MARK3: variants seen among roughly 807,000 people sequenced by gnomAD.
MARK3 encodes MAP/microtubule affinity-regulating kinase 3.
In MARK3, 46 loss-of-function variants were observed where a neutral mutation model predicts 90.1. The ratio of observed to expected loss-of-function variants is 0.51; its 90% CI spans 0.40 to 0.65. The LOEUF (loss-of-function observed/expected upper bound fraction) is 0.65. Ranked by LOEUF, MARK3 falls within the 30% of genes least tolerant of loss-of-function variation. MARK3 has a pLI of 0.00. For missense variants in MARK3, 818 were observed against 947.2 expected (o/e 0.86, Z 1.79); for synonymous variants, 321 against 332.6 (o/e 0.97, Z 0.38).
chr14:103,412,777 G>C (rs1279336661), intron 2 of MARK3: 2 of 474,628 alleles, frequency 4.2e-6, no homozygotes, highest in Non-Finnish European at 8.0e-6. Flanking sequence ...CTCATGCCAC[G>C]CTAACCAGAA....
intron 14 of MARK3, among the ~76,000 whole-genome samples, chr14:103,486,762 T>C (rs1417652778): frequency 1.3e-5 from 2 of 152,168 alleles, no homozygotes; most frequent in African/African-American, 4.8e-5. Flanking sequence ...GAGTTTACTG[T>C]TTCCTTCTGG....
chr14:103,428,760 C>G (rs988151910), intron 3 of MARK3, among the ~76,000 whole-genome samples: 1 of 151,756 alleles, frequency 6.6e-6, no homozygotes, highest in African/African-American at 2.4e-5. Context: ...AAAAATAATA[C>G]AGTACAAAAA....
At chr14:103,489,354 C>A (rs1241230570) in intron 14 of MARK3, 1 of 152,318 alleles carries the variant, frequency 6.6e-6, no homozygotes, top group Non-Finnish European at 1.5e-5. Context: ...AGGGGCCAGA[C>A]TTCAGGGGCC....
At chr14:103,450,916 G>GTGT (rs1358062005) in intron 4 of MARK3, among the ~76,000 whole-genome samples, 1 of 58,130 alleles carries the variant, frequency 1.7e-5, no homozygotes. Context: ...GTGTGTGTGT[G>GTGT]TATTCTTTTT....
Position 103,480,479 on chromosome 14 carries a change from CA to C in MARK3, c.1578del (p.Glu527LysfsTer82), listed in dbSNP as rs1398341862. 6.2e-7 allele frequency: 1 copy of C among 1,604,686 alleles called. No individual in the cohort carries two copies. The highest frequency in any genetic ancestry group is 8.5e-7 in the Non-Finnish European group (1 of 1,173,010). On this transcript the variant is annotated frameshift_variant, in exon 14 of 18. Transcript: ENST00000429436. LOFTEE classifies it high-confidence loss of function. ...ATAGACACTCAGTGATTCAGAATGG[CA>C]AAGAAAACAGGTAGGAGATTCTACC... is the stretch of plus-strand genomic sequence containing the variant. ...ADRHSVIQNG[K>X]ENSTIPDQRT...
intron 17 of MARK3, among the ~76,000 whole-genome samples, chr14:103,502,320 TAACA>T (rs1470253051): frequency 1.3e-5 from 2 of 152,234 alleles, no homozygotes; most frequent in Non-Finnish European, 2.9e-5. Flanking sequence ...GACGTTTAAT[TAACA>T]AACCAGAGAG....
chr14:103,496,603 G>T (rs1392138989), intron 15 of MARK3, among the ~76,000 whole-genome samples: 1 of 151,984 alleles, frequency 6.6e-6, no homozygotes, highest in South Asian at 2.1e-4. Context: ...AGTAGAGACA[G>T]GGTTTCACCA....
intron 15 of MARK3, among the ~76,000 whole-genome samples, chr14:103,493,788 T>C (rs1181066860): frequency 1.3e-5 from 2 of 150,180 alleles, no homozygotes; most frequent in East Asian, 2.0e-4. Flanking sequence ...GACAGGAGAA[T>C]TGCTTGAACC....
rs754470711 is a variant in MARK3, at chr14:103,491,944, G to C, written c.1754G>C (p.Ser585Thr). Reference sequence around the variant, plus strand: ...TATAATGGCCCTCCTGCCTCTCCCAGCCTGTCCCATGAAGCCACACCATTG... The same window carrying C: ...TATAATGGCCCTCCTGCCTCTCCCACCCTGTCCCATGAAGCCACACCATTG... Reference protein sequence around the residue: ...ATYNGPPASPSLSHEATPLSQ... With the variant: ...ATYNGPPASPTLSHEATPLSQ... Residue 585 changes from serine (S) to threonine (T), a missense_variant, in exon 15 of 18, where the codon AGC becomes ACC. Physicochemically the swap from Ser to Thr is moderately conservative, Grantham distance 58 (BLOSUM62 1). Around this residue, in one of 3 missense-constraint regions of MARK3, gnomAD observed 560 missense variants for 613.5 expected, o/e 0.91. Coordinates refer to ENST00000429436, the MANE Select transcript of MARK3 (RefSeq NM_001128918.3). 6.2e-7 allele frequency: 1 copy of C among 1,614,120 alleles called. No homozygotes were observed. The highest frequency in any genetic ancestry group is 2.2e-5 in the East Asian group (1 of 44,882).
At chr14:103,429,158 G>T (rs781477115) in intron 3 of MARK3, 1 of 152,180 alleles carries the variant, frequency 6.6e-6, no homozygotes, top group Non-Finnish European at 1.5e-5. Flanking sequence ...TTTTAGCTTC[G>T]CAGAGTCTTT....
intron 12 of MARK3, among the ~76,000 whole-genome samples, chr14:103,471,189 C>T (rs1246946534): frequency 2.6e-5 from 4 of 152,104 alleles, no homozygotes; most frequent in Non-Finnish European, 5.9e-5. Context: ...TTAACTTGTC[C>T]CTCAATCCTA....
intron 15 of MARK3, 51 bp downstream of exon 15, chr14:103,492,085 A>G (rs761070285): frequency 7.0e-6 from 11 of 1,582,146 alleles, no homozygotes; most frequent in Middle Eastern, 1.9e-4. Flanking sequence ...AGCAAAAGGA[A>G]AGATGTCTTT....
intron 5 of MARK3, among the ~76,000 whole-genome samples, chr14:103,454,398 G>A (rs148509138): frequency 2.3e-3 from 344 of 152,086 alleles, no homozygotes; most frequent in South Asian, 5.0e-3. Context: ...GACTGCAGGC[G>A]CACACCACAC....
At position 103,474,982 on chromosome 14, in the gene MARK3, C is replaced by G. The variant is rs765867987; in HGVS notation, c.1265-11C>G. On this transcript the variant is annotated splice_polypyrimidine_tract_variant and intron_variant, in intron 12 of 17. Transcript: ENST00000429436. ...TATTCAGTCATTTAAAAAATGAACT[C>G]TTTATTTTAGCTGGACCAGCTATTC... 3.2e-5 allele frequency: 52 copies of G among 1,601,588 alleles called. No homozygotes were observed. In the Middle Eastern group the frequency reaches 6.6e-4, roughly 20 times the overall value.
intron 3 of MARK3, among the ~76,000 whole-genome samples, chr14:103,445,049 C>G (rs941585209): frequency 6.6e-6 from 1 of 152,052 alleles, no homozygotes; most frequent in African/African-American, 2.4e-5. Context: ...CTGGACTTTT[C>G]TATATCAGCA....
chr14:103,498,721 A>G (rs759675172), intron 16 of MARK3, 193 bp downstream of exon 16: 20 of 387,888 alleles, frequency 5.2e-5, no homozygotes, highest in Non-Finnish European at 7.7e-5. Flanking sequence ...TAAAGGGACT[A>G]TGGTACCCAT....
chr14:103,441,985 G>A (rs2092868190), intron 3 of MARK3, among the ~76,000 whole-genome samples: 1 of 151,930 alleles, frequency 6.6e-6, no homozygotes, highest in Non-Finnish European at 1.5e-5. Context: ...AGAAACACAG[G>A]CATGACAGAG....
intron 15 of MARK3, among the ~76,000 whole-genome samples, chr14:103,496,851 G>GC (rs1462795829): frequency 6.6e-6 from 1 of 151,602 alleles, no homozygotes; most frequent in African/African-American, 2.4e-5. Flanking sequence ...GCTGACCTGG[G>GC]CAACATAATG....
chr14:103,441,636 A>G (rs2092859281), intron 3 of MARK3: 1 of 151,774 alleles, frequency 6.6e-6, no homozygotes, highest in Admixed American at 6.6e-5. Context: ...TCATAAACAT[A>G]TTTTTCTCTG....
Sources: gnomAD v4.1 joint callset for allele counts (sites outside exome capture counted in the v4.1 genomes callset) on GRCh38, gnomAD v4.1.1 for gene constraint, gnomAD v4.1.1 regional missense constraint, MANE v1.5 for transcripts, NCBI Gene and HGNC (gene_info 2026-07-23, HGNC 2026-07-21) for gene names.